Variants in SYNJ1 observed in about 807,000 individuals in gnomAD.
SYNJ1 encodes polyphosphatidylinositol phosphatase SYNJ1.
SYNJ1 carries 78 observed loss-of-function variants against 168.2 expected under a neutral mutation model. The ratio of observed to expected loss-of-function variants is 0.46; its 90% confidence interval spans 0.39 to 0.56. SYNJ1 has a LOEUF of 0.56. Among genes scored for constraint, SYNJ1 ranks in the 20% least tolerant of loss-of-function variants. SYNJ1 has a pLI of 0.00. For synonymous variants in SYNJ1, 539 were observed against 548.6 expected (o/e 0.98, Z 0.24); for missense variants, 1,303 against 1,597.6 (o/e 0.82, Z 3.14).
intron 29 of SYNJ1, among the ~76,000 whole-genome samples, chr21:32,641,296 T>C (rs2039824327): frequency 6.6e-6 from 1 of 152,206 alleles, no homozygotes; most frequent in Non-Finnish European, 1.5e-5. Flanking sequence ...CTTGATTACC[T>C]GTTATAGTCC....
intron 2 of SYNJ1, among the ~76,000 whole-genome samples, chr21:32,702,904 G>A (rs1285010620): frequency 2.6e-5 from 4 of 152,198 alleles, no homozygotes; most frequent in South Asian, 4.1e-4. Context: ...AGAAAATCAC[G>A]TAAGTAGATA....
chr21:32,631,853 C>A, intron 32 of SYNJ1, 52 bp from the exon 33 acceptor site: 1 of 1,447,010 alleles, frequency 6.9e-7, no homozygotes, highest in Non-Finnish European at 9.4e-7. Flanking sequence ...CTCTTAATAC[C>A]CCCTATTCTT....
At chr21:32,667,296 A>C (rs1296733188) in intron 15 of SYNJ1, among the ~76,000 whole-genome samples, 1 of 152,168 alleles carries the variant, frequency 6.6e-6, no homozygotes, top group African/African-American at 2.4e-5. Context: ...ATTATAACTA[A>C]TGTCTTTTTA....
intron 6 of SYNJ1, among the ~76,000 whole-genome samples, chr21:32,690,153 A>T (rs1245415881): frequency 6.6e-6 from 1 of 152,246 alleles, no homozygotes; most frequent in Non-Finnish European, 1.5e-5. Context: ...ACATATATAC[A>T]TTCAGCTATG....
At chr21:32,702,246 A>C (rs2042433004) in intron 2 of SYNJ1, among the ~76,000 whole-genome samples, 199 bp from the exon 3 acceptor site, 1 of 152,242 alleles carries the variant, frequency 6.6e-6, no homozygotes, top group Non-Finnish European at 1.5e-5. Context: ...TCTATTAATT[A>C]ATCCATCCTG....
intron 2 of SYNJ1, among the ~76,000 whole-genome samples, chr21:32,703,301 T>G (rs1372567204): frequency 6.6e-6 from 1 of 152,222 alleles, no homozygotes; most frequent in East Asian, 1.9e-4. Flanking sequence ...CGCCAACCCG[T>G]TAAAGTGATG....
At chr21:32,684,160 T>G (rs762790006) in intron 9 of SYNJ1, 41 bp from the exon 10 acceptor site, 16 of 1,584,718 alleles carry the variant, frequency 1.0e-5, no homozygotes, top group Non-Finnish European at 1.7e-6. Context: ...GGAACAAAAA[T>G]AAAGCTAAAA....
chr21:32,696,384 C>T (rs2042214621), intron 4 of SYNJ1, among the ~76,000 whole-genome samples: 1 of 152,084 alleles, frequency 6.6e-6, no homozygotes, highest in Non-Finnish European at 1.5e-5. Flanking sequence ...GATTATGATA[C>T]AGATAAAAGC....
At chr21:32,640,189 C>T (rs1369445537) in intron 29 of SYNJ1, among the ~76,000 whole-genome samples, 1 of 152,094 alleles carries the variant, frequency 6.6e-6, no homozygotes, top group Non-Finnish European at 1.5e-5. Context: ...ATGTGCAATG[C>T]TGTCTTTATG....
In SYNJ1 at chr21:32,666,124, A is replaced by G; in HGVS notation, c.1964T>C (p.Val655Ala). 3 of 1,598,676 alleles carry G rather than the reference A, an allele frequency of 1.9e-6. No homozygotes were observed. Among genetic ancestry groups the G allele is most frequent in the Non-Finnish European group, 2.6e-6 (3 of 1,174,682 alleles). ...TCCCATTCCAGTCTTCACAGTATCA[A>G]CTGCAACATCCCTTTGAAACAAAGA... ...QHAPFIRDVA[V>A]DTVKTGMGGA... The change falls in exon 17 of 33, where the codon GTT (valine) becomes GCT (alanine). Residue 655 changes from valine to alanine, a missense_variant. Val to Ala is a moderately conservative substitution (Grantham distance 64, BLOSUM62 0). Transcript: ENST00000674351.
Position 32,642,131 on chromosome 21 carries a change from G to C in SYNJ1, c.3481C>G (p.Pro1161Ala), listed in dbSNP as rs1473250864. ...TTCCTTGTTGTTCCAGGGCTTTTGG[G>C]TGCTTTGAAGCAAGAAGGGAAAAAA... is the stretch of plus-strand genomic sequence containing the variant. The part of the protein sequence containing the change: ...PGVARREMEA[P>A]KSPGTTRKDN... Residue 1161 changes from proline to alanine, a missense_variant and splice_region_variant, in exon 28 of 33, where the codon CCC becomes GCC. This residue lies in a region of SYNJ1 where 383 missense variants were observed against 388.8 expected (regional missense o/e 0.99). Transcript: ENST00000674351. The C allele has an allele frequency of 6.2e-7, 1 of 1,613,736 alleles. No individual in the cohort carries two copies. Among genetic ancestry groups the C allele is most frequent in the Non-Finnish European group, 8.5e-7 (1 of 1,179,998 alleles).
At chr21:32,664,298 G>T (rs1038177577) in intron 18 of SYNJ1, among the ~76,000 whole-genome samples, 2 of 152,136 alleles carry the variant, frequency 1.3e-5, no homozygotes, top group African/African-American at 4.8e-5. Flanking sequence ...GTTCTCAAAG[G>T]GGGGAATAAG....
intron 7 of SYNJ1, among the ~76,000 whole-genome samples, chr21:32,687,438 T>C (rs560778831): frequency 5.1e-4 from 78 of 152,284 alleles, no homozygotes; most frequent in Middle Eastern, 6.8e-3. Flanking sequence ...CATCACCTAC[T>C]CCGTTGAGTA....
intron 6 of SYNJ1, among the ~76,000 whole-genome samples, chr21:32,690,972 T>G (rs2042003053): frequency 6.6e-6 from 1 of 152,228 alleles, no homozygotes; most frequent in African/African-American, 2.4e-5. Context: ...CATTTAATTG[T>G]GTGGTATGGT....
Position 32,665,060 on chromosome 21 carries a change from T to C in SYNJ1, c.2157A>G (p.Leu719=), listed in dbSNP as rs112875942. 62 of 1,594,092 alleles carry C rather than the reference T, an allele frequency of 3.9e-5. 3 individuals are homozygous for C. In the African/African-American group the frequency reaches 4.4e-4, roughly 11 times the overall value. Residue 719 remains leucine, a synonymous_variant, in exon 18 of 33, where the codon CTA becomes CTG. Coordinates refer to ENST00000674351, the MANE Select transcript of SYNJ1 (RefSeq NM_203446.3). The stretch of plus-strand genomic sequence containing the variant: ...ACCAAAATACATAGTCATGGGAAAA[T>C]AGCATCCTTCCCTGAAAGCAATGAG... ...RKLSFPMGRM[L]FSHDYVFWCG...
chr21:32,728,338 C>T (rs2043572100), upstream of SYNJ1: 16 of 319,436 alleles, frequency 5.0e-5, no homozygotes, highest in South Asian at 6.4e-4. Flanking sequence ...CGTATTGCTG[C>T]TCCCCAAGCT....
chr21:32,693,811 A>G (rs543405003), intron 6 of SYNJ1, among the ~76,000 whole-genome samples: 4 of 152,312 alleles, frequency 2.6e-5, no homozygotes, highest in Admixed American at 2.6e-4. Flanking sequence ...TATTTGCCCA[A>G]GATCACACAG....
intron 31 of SYNJ1, among the ~76,000 whole-genome samples, chr21:32,638,284 T>C (rs1198992443): frequency 1.3e-5 from 2 of 152,214 alleles, no homozygotes; most frequent in African/African-American, 4.8e-5. Context: ...CAGGCTGGTC[T>C]TGAACTTGCA....
intron 9 of SYNJ1, among the ~76,000 whole-genome samples, chr21:32,685,135 T>C (rs1444139979): frequency 1.5e-5 from 2 of 136,312 alleles, no homozygotes; most frequent in African/African-American, 5.7e-5. Flanking sequence ...TGAGCCAAGA[T>C]CGCACCACTG....
Sources: allele counts gnomAD v4.1 joint callset (sites outside exome capture counted in the v4.1 genomes callset), GRCh38; gene constraint gnomAD v4.1.1; regional missense constraint gnomAD v4.1.1; transcripts MANE v1.5; gene names NCBI Gene and HGNC (gene_info 2026-07-23, HGNC 2026-07-21).